Variants in CACNA2D3 observed in about 807,000 individuals in gnomAD.
CACNA2D3 encodes the protein calcium voltage-gated channel auxiliary subunit alpha2delta 3, also known as voltage-dependent calcium channel subunit alpha-2/delta-3.
A neutral mutation model predicts 160.6 loss-of-function variants in CACNA2D3; 60 were observed. That is an observed-to-expected ratio of 0.37 (90% CI 0.30 to 0.46). The LOEUF (loss-of-function observed/expected upper bound fraction) is 0.46, where lower values mean the gene tolerates loss of function less well. CACNA2D3 is among the 20% of genes least tolerant of loss of function. CACNA2D3 has a pLI of 1.00. For synonymous variants in CACNA2D3, 558 were observed against 492.9 expected, an observed-to-expected ratio of 1.13 and a Z score of -1.75; for missense variants, 1,205 against 1,365.0, an observed-to-expected ratio of 0.88 and a Z score of 1.85.
At chr3:54,838,506 G>C (rs1413322052) in intron 15 of CACNA2D3, 62 bp from the exon 16 acceptor site, 6 of 1,320,950 alleles carry the variant, frequency 4.5e-6, no homozygotes, top group African/African-American at 2.9e-5. Context: ...CTTCTCGTGA[G>C]ATTCTATTTC....
At chr3:54,358,243 G>T (rs886893528) in intron 3 of CACNA2D3, among the ~76,000 whole-genome samples, 1 of 152,122 alleles carries the variant, frequency 6.6e-6, no homozygotes, top group Admixed American at 6.6e-5. Context: ...TTAAAGAAAA[G>T]GTAAAGGGCT....
At chr3:54,784,300 C>G (rs1702591561) in intron 13 of CACNA2D3, among the ~76,000 whole-genome samples, 1 of 152,196 alleles carries the variant, frequency 6.6e-6, no homozygotes, top group Non-Finnish European at 1.5e-5. Flanking sequence ...GCGGCTCGTG[C>G]TGGAGGCCTT....
chr3:54,742,126 A>G (rs1320255203), intron 11 of CACNA2D3, among the ~76,000 whole-genome samples: 2 of 152,150 alleles, frequency 1.3e-5, no homozygotes, highest in East Asian at 1.9e-4. Context: ...CTCGACTTCA[A>G]ATAGTGCTGG....
intron 27 of CACNA2D3, among the ~76,000 whole-genome samples, chr3:54,942,051 G>A (rs1012262861): frequency 3.3e-5 from 5 of 152,176 alleles, no homozygotes; most frequent in South Asian, 2.1e-4. Context: ...GTAAAAATGC[G>A]TCCTCAGTCA....
chr3:55,051,390 G>T lies in CACNA2D3; in HGVS notation c.2988-22055G>T, dbSNP rs916669848. On this transcript the variant is annotated intron_variant, in intron 35 of 37. Coordinates refer to ENST00000474759, the MANE Select transcript of CACNA2D3 (RefSeq NM_018398.3). ...GTGAGGTGTCAGTGTGCCCCTGCTG[G>T]GGGGGTGCCTCCCAGTTAGGCTGCC... is the stretch of plus-strand genomic sequence containing the variant. Among the ~76,000 whole-genome samples, 3 of 85,190 alleles carry T rather than the reference G, an allele frequency of 3.5e-5. No homozygotes were observed. In the East Asian group the frequency reaches 7.3e-4, roughly 21 times the overall value. The allele number at this position is 85,190 out of a possible 152,430, so 55.9% of individuals were successfully genotyped here.
chr3:54,986,115 T>C (rs1441734990), intron 30 of CACNA2D3, among the ~76,000 whole-genome samples: 1 of 152,154 alleles, frequency 6.6e-6, no homozygotes, highest in Non-Finnish European at 1.5e-5. Context: ...AGCTCTAGTC[T>C]TCTGCTCTAC....
chr3:55,074,104 T>TTCCC lies in CACNA2D3; in HGVS notation c.3184-9_3184-6dup. 6.2e-7 allele frequency: 1 copy of TTCCC among 1,611,326 alleles called. No individual in the cohort carries two copies. The highest frequency in any genetic ancestry group is 8.5e-7 in the Non-Finnish European group (1 of 1,177,414). ...ATTTCCGTCTAACCAACCCCTGCCT[T>TTCCC]TCCCCATAGGAGAATGCAAGGGAGT... On this transcript the variant is annotated splice_polypyrimidine_tract_variant and intron_variant, in intron 37 of 37. Coordinates refer to ENST00000474759, the MANE Select transcript of CACNA2D3 (RefSeq NM_018398.3).
intron 4 of CACNA2D3, among the ~76,000 whole-genome samples, chr3:54,390,245 T>A (rs1274267474): frequency 6.6e-6 from 1 of 152,232 alleles, no homozygotes; most frequent in Non-Finnish European, 1.5e-5. Flanking sequence ...CATCTGAAGC[T>A]ATTATTATTT....
chr3:54,449,627 C>G (rs1158591842), intron 4 of CACNA2D3, among the ~76,000 whole-genome samples: 1 of 152,076 alleles, frequency 6.6e-6, no homozygotes, highest in Non-Finnish European at 1.5e-5. Flanking sequence ...AACACCATCC[C>G]CCTTGGTGCT....
chr3:55,057,743 C>G (rs1704400088), intron 35 of CACNA2D3, among the ~76,000 whole-genome samples: 1 of 152,130 alleles, frequency 6.6e-6, no homozygotes, highest in Admixed American at 6.5e-5. Flanking sequence ...CTGGCATACC[C>G]TGTTATCTCC....
intron 5 of CACNA2D3, among the ~76,000 whole-genome samples, chr3:54,549,907 T>C (rs77539031): frequency 0.015 from 2,303 of 152,278 alleles, 25 homozygotes; most frequent in Non-Finnish European, 0.021. Flanking sequence ...AAGGAAGGAA[T>C]GTTTAAATTT....
intron 9 of CACNA2D3, among the ~76,000 whole-genome samples, chr3:54,616,324 G>A (rs1698849938): frequency 6.6e-6 from 1 of 152,052 alleles, no homozygotes; most frequent in Non-Finnish European, 1.5e-5. Flanking sequence ...TCAGTTCCCT[G>A]ACAGCTGTTG....
At chr3:54,292,028 G>A (rs1297824414) in intron 2 of CACNA2D3, among the ~76,000 whole-genome samples, 1 of 152,146 alleles carries the variant, frequency 6.6e-6, no homozygotes, top group African/African-American at 2.4e-5. Flanking sequence ...AATCTAGTCA[G>A]TTGATTTCCA....
chr3:54,852,964 C>G (rs1360127470), intron 17 of CACNA2D3, among the ~76,000 whole-genome samples: 1 of 151,548 alleles, frequency 6.6e-6, no homozygotes, highest in Non-Finnish European at 1.5e-5. Flanking sequence ...TGGAATTTTT[C>G]TTAACTATGC....
chr3:54,144,944 T>A (rs1005034413), intron 2 of CACNA2D3, among the ~76,000 whole-genome samples: 1 of 152,224 alleles, frequency 6.6e-6, no homozygotes, highest in Admixed American at 6.5e-5. Context: ...AATTTAAAGA[T>A]ATTCAGAGAT....
intron 14 of CACNA2D3, among the ~76,000 whole-genome samples, chr3:54,828,590 G>A (rs1703795369): frequency 6.6e-6 from 1 of 152,156 alleles, no homozygotes; most frequent in African/African-American, 2.4e-5. Flanking sequence ...AATTTTATTA[G>A]AAGAGGACTG....
chr3:54,179,039 G>A (rs1007318958), intron 2 of CACNA2D3, among the ~76,000 whole-genome samples: 2 of 152,108 alleles, frequency 1.3e-5, no homozygotes, highest in African/African-American at 4.8e-5. Context: ...TGCCCACACC[G>A]TCAACCTTTT....
chr3:54,666,959 T>G (rs1291512784), intron 11 of CACNA2D3, among the ~76,000 whole-genome samples: 2 of 152,206 alleles, frequency 1.3e-5, no homozygotes, highest in African/African-American at 4.8e-5. Flanking sequence ...AGTGGAACAT[T>G]TGAGGGCAGT....
At chr3:54,538,907 G>A (rs912767115) in intron 5 of CACNA2D3, among the ~76,000 whole-genome samples, 6 of 152,132 alleles carry the variant, frequency 3.9e-5, no homozygotes, top group African/African-American at 1.2e-4. Context: ...CTCTCTTTAC[G>A]TTGGTTTCTG....
Sources: allele counts gnomAD v4.1 joint callset (sites outside exome capture counted in the v4.1 genomes callset), GRCh38; gene constraint gnomAD v4.1.1; transcripts MANE v1.5; gene names NCBI Gene and HGNC (gene_info 2026-07-23, HGNC 2026-07-21).